Variants in NAV1 observed in about 807,000 individuals in gnomAD.
NAV1 encodes the protein neuron navigator 1.
Under a neutral mutation model 175.2 loss-of-function variants are expected in NAV1, and 18 were observed. The ratio of observed to expected loss-of-function variants is 0.10; its 90% CI spans 0.07 to 0.15. The LOEUF (loss-of-function observed/expected upper bound fraction) is 0.15, where lower values mean the gene tolerates loss of function less well. Ranked by LOEUF, NAV1 falls within the 10% of genes least tolerant of loss-of-function variation. The pLI, the probability that NAV1 is intolerant of heterozygous loss-of-function variation, is 1.00. For missense variants in NAV1, 1,731 were observed against 2,436.6 expected, an observed-to-expected ratio of 0.71 and a Z score of 6.10; for synonymous variants, 897 against 978.7, an observed-to-expected ratio of 0.92 and a Z score of 1.56.
intron 3 of NAV1, among the ~76,000 whole-genome samples, chr1:201,726,123 G>A (rs895778354): frequency 2.0e-5 from 3 of 152,186 alleles, no homozygotes; most frequent in Non-Finnish European, 4.4e-5. Context: ...CATAGCCTTG[G>A]CTGATGCTTC....
At chr1:201,753,748 G>A (rs867575355) in intron 3 of NAV1, among the ~76,000 whole-genome samples, 1 of 152,242 alleles carries the variant, frequency 6.6e-6, no homozygotes, top group South Asian at 2.1e-4. Context: ...GCTGTGCTAG[G>A]CAAACTCCAC....
rs199798576 is a variant in NAV1 at position 201,785,268 on chromosome 1, T to TTC, written c.2805-28_2805-27dup. 6.7e-3 allele frequency: 10,010 copies of TTC among 1,490,432 alleles called. 174 individuals are homozygous for TTC. Among genetic ancestry groups the TTC allele is most frequent in the African/African-American group, 0.035 (2,205 of 63,822 alleles). The allele number at this position is 1,490,432 out of a possible 1,614,324, so 92.3% of individuals were successfully genotyped here. A position where few individuals can be genotyped will look rare whatever the true frequency, so the allele number is the denominator to read the frequency against. ...TAGTTCCTAAGATGGACCCACATGC[T>TTC]TCTCTCTCTCTCTCTTTTTTTTTTT... is the stretch of plus-strand genomic sequence containing the variant. On this transcript the variant is annotated intron_variant, in intron 7 of 29. Transcript: ENST00000367296.
At chr1:201,581,874 T>C (rs1051821161) in intron 1 of NAV1, among the ~76,000 whole-genome samples, 15 of 151,906 alleles carry the variant, frequency 9.9e-5, no homozygotes. Flanking sequence ...TTCTAAGAAT[T>C]TTTTTAAAAA....
chr1:201,793,899 G>T, intron 14 of NAV1, 24 bp downstream of exon 18: 1 of 1,524,682 alleles, frequency 6.6e-7, no homozygotes, highest in South Asian at 1.1e-5. Context: ...GAAAGGGTGG[G>T]AGGGGTGGGT....
At chr1:201,755,444 A>AGAG (rs564421010) in intron 3 of NAV1, among the ~76,000 whole-genome samples, 51 of 152,284 alleles carry the variant, frequency 3.3e-4, no homozygotes, top group Non-Finnish European at 5.7e-4. Flanking sequence ...AAAGAGAAGA[A>AGAG]GAGGAGGAGG....
Position 201,648,628 on chromosome 1 carries a change from C to T in NAV1, c.-41C>T. ...CGCCCCCTGCCCCCTCCCCCCGTGC[C>T]TGCAGACGCGCGGATCGTCCATGCG... On this transcript the variant is annotated 5_prime_UTR_variant, in exon 1 of 30. Transcript: ENST00000367296. The T allele has an allele frequency of 1.5e-6, 2 of 1,293,914 alleles. No homozygotes were observed. The highest frequency in any genetic ancestry group is 1.9e-6 in the Non-Finnish European group (2 of 1,026,188). 80.2% of individuals were successfully genotyped at this position (1,293,914 alleles called of 1,614,324 possible).
intron 1 of NAV1, among the ~76,000 whole-genome samples, chr1:201,664,634 G>A (rs1669743419): frequency 6.6e-6 from 1 of 152,122 alleles, no homozygotes; most frequent in South Asian, 2.1e-4. Flanking sequence ...TCTGCCCTTG[G>A]CAGCTCCCTG....
At chr1:201,557,979 A>G (rs966025074) in intron 1 of NAV1, among the ~76,000 whole-genome samples, 13 of 152,208 alleles carry the variant, frequency 8.5e-5, no homozygotes, top group African/African-American at 3.1e-4. Context: ...CCAAAAAACA[A>G]AAACAGAAAC....
intron 20 of NAV1, 53 bp from the exon 25 acceptor site, chr1:201,809,111 A>T: frequency 6.4e-7 from 1 of 1,553,986 alleles, no homozygotes; most frequent in South Asian, 1.1e-5. Context: ...GGGAAAGTTT[A>T]GGAAAGGCTG....
chr1:201,581,710 T>C (rs1666868175), intron 1 of NAV1, among the ~76,000 whole-genome samples: 1 of 151,702 alleles, frequency 6.6e-6, no homozygotes, highest in South Asian at 2.1e-4. Context: ...GCGCCTGTTA[T>C]CCCAGCTACT....
intron 2 of NAV1, among the ~76,000 whole-genome samples, chr1:201,610,241 G>A (rs1356550271): frequency 1.3e-5 from 2 of 152,186 alleles, no homozygotes; most frequent in African/African-American, 2.4e-5. Flanking sequence ...CATTTCTCTT[G>A]GCTAATTGAA....
In NAV1 at chr1:201,714,854, C is replaced by T. The variant is rs934693571; in HGVS notation, c.860+1935C>T. Among the ~76,000 whole-genome samples the T allele has an allele frequency of 2.0e-5, 3 of 152,202 alleles. No individual in the cohort carries two copies. The East Asian group carries it at 5.8e-4, about 29-fold the overall frequency. ...AGCTCCAGCCTCCTGGTGCCACTGA[C>T]TCAGAGCAGCCAGCCCCCAGTCCCT... On this transcript the variant is annotated intron_variant, in intron 2 of 29. Transcript: ENST00000367296.
intron 1 of NAV1, among the ~76,000 whole-genome samples, chr1:201,573,653 G>A (rs1666612020): frequency 6.6e-6 from 1 of 152,214 alleles, no homozygotes; most frequent in Non-Finnish European, 1.5e-5. Context: ...GGGATCTTGT[G>A]ATGATTAAGA....
intron 1 of NAV1, 26 bp downstream of exon 5, chr1:201,649,451 C>T (rs897678157): frequency 2.7e-6 from 4 of 1,478,686 alleles, no homozygotes; most frequent in African/African-American, 1.4e-5. Context: ...CCGCCCCGCC[C>T]CGCCCCTGGC....
intron 2 of NAV1, among the ~76,000 whole-genome samples, chr1:201,605,868 G>A (rs1667660425): frequency 6.6e-6 from 1 of 152,172 alleles, no homozygotes; most frequent in South Asian, 2.1e-4. Context: ...GGGGGTGTGA[G>A]CCCCGTGAGA....
intron 1 of NAV1, among the ~76,000 whole-genome samples, chr1:201,711,338 T>G (rs906265027): frequency 3.9e-5 from 6 of 152,286 alleles, no homozygotes; most frequent in African/African-American, 1.4e-4. Flanking sequence ...TCAGAAAAGG[T>G]GCCCAAAAGG....
At chr1:201,784,942 G>A (rs1450040860) in intron 7 of NAV1, among the ~76,000 whole-genome samples, 1 of 151,980 alleles carries the variant, frequency 6.6e-6, no homozygotes, top group Non-Finnish European at 1.5e-5. Flanking sequence ...CTAATTTTTT[G>A]TATTTTTAGT....
intron 2 of NAV1, among the ~76,000 whole-genome samples, chr1:201,717,885 A>G (rs1373080052): frequency 2.6e-5 from 4 of 152,220 alleles, no homozygotes; most frequent in Admixed American, 2.0e-4. Flanking sequence ...CACCATTAAC[A>G]AAATGACCAA....
Position 201,813,361 on chromosome 1 carries a change from A to G in NAV1, c.5340+103A>G. 2 of 776,654 alleles carry G rather than the reference A, an allele frequency of 2.6e-6. No individual in the cohort carries two copies. Among genetic ancestry groups the G allele is most frequent in the Admixed American group, 2.4e-5 (1 of 42,434 alleles). The allele number at this position is 776,654 out of a possible 1,614,324, so 48.1% of individuals were successfully genotyped here. The stretch of plus-strand genomic sequence containing the variant: ...AGGCATGGGACTACTAGGATTAGTT[A>G]GGTTCTCTTTCTAACAGGTGGAGCA... On this transcript the variant is annotated intron_variant, in intron 28 of 29. Transcript: ENST00000367296. The surrounding 1 kb of genome is among the most constrained non-coding windows in gnomAD (Gnocchi z 4.2).
Sources: allele counts gnomAD v4.1 joint callset (sites outside exome capture counted in the v4.1 genomes callset), GRCh38; gene constraint gnomAD v4.1.1; non-coding constraint Gnocchi (gnomAD v3.1); transcripts MANE v1.5; gene names NCBI Gene and HGNC (gene_info 2026-07-23, HGNC 2026-07-21).